The following CNTN5 variants were observed in gnomAD, a reference collection of about 807,000 sequenced individuals.
The protein encoded by CNTN5 is contactin 5.
Under a neutral mutation model 129.1 loss-of-function variants are expected in CNTN5, and 77 were observed. The observed-to-expected ratio is 0.60, with a 90% CI of 0.50 to 0.72. CNTN5 has a LOEUF of 0.72. Ranked by LOEUF, CNTN5 falls within the 30% of genes least tolerant of loss-of-function variation. The pLI, the probability that CNTN5 is intolerant of heterozygous loss-of-function variation, is 0.00. For missense variants in CNTN5, 1,478 were observed against 1,328.8 expected (o/e 1.11, Z -1.75); for synonymous variants, 509 against 465.6 (o/e 1.09, Z -1.20).
At chr11:99,306,333 CT>C (rs1864872002) in intron 1 of CNTN5, among the ~76,000 whole-genome samples, 1 of 152,010 alleles carries the variant, frequency 6.6e-6, no homozygotes, top group African/African-American at 2.4e-5. Flanking sequence ...TAATACTTAT[CT>C]TTTAGGGTTA....
intron 10 of CNTN5, among the ~76,000 whole-genome samples, chr11:100,066,929 G>C (rs897045721): frequency 1.3e-5 from 2 of 150,900 alleles, no homozygotes; most frequent in African/African-American, 2.4e-5. Context: ...TGCAAGTACT[G>C]TACTGTCTTT....
chr11:99,990,447 T>TACACACAC (rs774953191), intron 8 of CNTN5, among the ~76,000 whole-genome samples: 32 of 77,036 alleles, frequency 4.2e-4, no homozygotes, highest in African/African-American at 1.3e-3. Context: ...TTTTAGAATA[T>TACACACAC]ATATATATAC....
chr11:99,374,732 G>C (rs1940055113), intron 2 of CNTN5, among the ~76,000 whole-genome samples: 1 of 152,004 alleles, frequency 6.6e-6, no homozygotes. Context: ...TTAATGTCTG[G>C]TCGGTGAGGT....
At chr11:99,500,493 A>G (rs1399623523) in intron 2 of CNTN5, among the ~76,000 whole-genome samples, 1 of 152,036 alleles carries the variant, frequency 6.6e-6, no homozygotes, top group Non-Finnish European at 1.5e-5. Flanking sequence ...TACCTACCCA[A>G]AAGTTTATCA....
intron 9 of CNTN5, among the ~76,000 whole-genome samples, chr11:100,003,378 C>T (rs1939997170): frequency 2.6e-5 from 4 of 152,066 alleles, no homozygotes; most frequent in Admixed American, 1.3e-4. Flanking sequence ...GGTTTGTCAC[C>T]ATTTGCTGTT....
intron 3 of CNTN5, among the ~76,000 whole-genome samples, chr11:99,697,003 A>G (rs926723503): frequency 2.6e-5 from 4 of 151,968 alleles, no homozygotes; most frequent in African/African-American, 4.8e-5. Flanking sequence ...GGGAATGTCA[A>G]AAAGGACACA....
chr11:100,050,725 A>G (rs143409631), intron 9 of CNTN5, among the ~76,000 whole-genome samples: 11 of 152,252 alleles, frequency 7.2e-5, no homozygotes, highest in Admixed American at 4.6e-4. Context: ...ATGAAGATAT[A>G]TATGTTAAAA....
chr11:100,318,264 A>AT (rs1388371281), intron 21 of CNTN5, among the ~76,000 whole-genome samples: 2 of 148,328 alleles, frequency 1.3e-5, no homozygotes, highest in African/African-American at 5.0e-5. Flanking sequence ...AAAAAAAAAA[A>AT]GTCTCATTTT....
At chr11:99,317,017 G>T (rs1373166562) in intron 1 of CNTN5, among the ~76,000 whole-genome samples, 1 of 152,220 alleles carries the variant, frequency 6.6e-6, no homozygotes, top group East Asian at 1.9e-4. Flanking sequence ...AGCTTTAGTT[G>T]CTCTCAGATT....
chr11:99,828,068 G>A (rs1173167874), intron 4 of CNTN5, among the ~76,000 whole-genome samples: 7 of 152,068 alleles, frequency 4.6e-5, no homozygotes, highest in Admixed American at 2.6e-4. Context: ...AAGTATGATT[G>A]TATAGCACAT....
At chr11:100,073,112 T>C (rs1943994585) in intron 12 of CNTN5, among the ~76,000 whole-genome samples, 1 of 151,126 alleles carries the variant, frequency 6.6e-6, no homozygotes, top group Non-Finnish European at 1.5e-5. Flanking sequence ...AGTGATGCCA[T>C]CTCTGCTCAC....
At chr11:100,354,259 T>G (rs1220241651) in intron 24 of CNTN5, among the ~76,000 whole-genome samples, 2 of 151,656 alleles carry the variant, frequency 1.3e-5, no homozygotes, top group African/African-American at 4.8e-5. Flanking sequence ...ATCATGATGC[T>G]TCAGAAGACT....
intron 3 of CNTN5, among the ~76,000 whole-genome samples, chr11:99,618,344 G>A (rs943863101): frequency 6.6e-6 from 1 of 152,136 alleles, no homozygotes; most frequent in African/African-American, 2.4e-5. Flanking sequence ...GTGGGTGGAA[G>A]CACTTTTATT....
At chr11:100,052,015 G>A (rs1591137388) in intron 9 of CNTN5, among the ~76,000 whole-genome samples, 1 of 151,952 alleles carries the variant, frequency 6.6e-6, no homozygotes, top group East Asian at 1.9e-4. Flanking sequence ...AACATGTAAA[G>A]AAGAAATTAT....
chr11:99,679,865 A>G (rs1296563971), intron 3 of CNTN5, among the ~76,000 whole-genome samples: 1 of 152,206 alleles, frequency 6.6e-6, no homozygotes, highest in African/African-American at 2.4e-5. Context: ...CTTTTGAGGA[A>G]AATTAAAAGT....
At chr11:99,712,317 G>T (rs1955027750) in intron 3 of CNTN5, among the ~76,000 whole-genome samples, 1 of 152,000 alleles carries the variant, frequency 6.6e-6, no homozygotes, top group Non-Finnish European at 1.5e-5. Context: ...CCCACTTTTT[G>T]ATGGGGTTGT....
chr11:99,818,372 C>G (rs1005021706), intron 3 of CNTN5, among the ~76,000 whole-genome samples: 2 of 152,112 alleles, frequency 1.3e-5, no homozygotes, highest in Non-Finnish European at 2.9e-5. Context: ...CCTCCCAGCT[C>G]AGCTTCCCCA....
chr11:100,337,208 T>C, intron 21 of CNTN5: 1 of 1,540,356 alleles, frequency 6.5e-7, no homozygotes, highest in East Asian at 2.3e-5. Context: ...GAAAACACTG[T>C]AGTTCCTCCA....
At chr11:99,624,142 T>C (rs1006449916) in intron 3 of CNTN5, among the ~76,000 whole-genome samples, 1 of 152,096 alleles carries the variant, frequency 6.6e-6, no homozygotes, top group African/African-American at 2.4e-5. Context: ...TTAATGAATG[T>C]ATTTTGTACT....
Sources: gnomAD v4.1 joint callset for allele counts (sites outside exome capture counted in the v4.1 genomes callset) on GRCh38, gnomAD v4.1.1 for gene constraint, MANE v1.5 for transcripts, NCBI Gene and HGNC (gene_info 2026-07-23, HGNC 2026-07-21) for gene names.